Variants in MTHFD1 observed in about 807,000 individuals in gnomAD.
The protein encoded by MTHFD1 is methylenetetrahydrofolate dehydrogenase, cyclohydrolase and formyltetrahydrofolate synthetase 1.
MTHFD1 carries 44 observed loss-of-function variants against 110.3 expected under a neutral mutation model. The ratio of observed to expected loss-of-function variants is 0.40; its 90% CI spans 0.31 to 0.51. MTHFD1 has a LOEUF of 0.51. Ranked by LOEUF, MTHFD1 falls within the 20% of genes least tolerant of loss-of-function variation. MTHFD1 has a pLI of 0.60. For missense variants in MTHFD1, 909 were observed against 1,173.1 expected (o/e 0.77, Z 3.29); for synonymous variants, 402 against 428.8 (o/e 0.94, Z 0.77).
chr14:64,440,918 G>A (rs569001354), intron 18 of MTHFD1: 6 of 259,486 alleles, frequency 2.3e-5, no homozygotes, highest in African/African-American at 4.5e-5. Context: ...TTGGCCAGGC[G>A]TGGTGGCTCA....
At chr14:64,457,973 C>T (rs573577207) in intron 26 of MTHFD1, 3 of 582,746 alleles carry the variant, frequency 5.1e-6, no homozygotes, top group Non-Finnish European at 9.2e-6. Context: ...TCACTGTGGC[C>T]TCAACCTCCT....
intron 26 of MTHFD1, 170 bp downstream of exon 26, chr14:64,455,045 A>G (rs2078447049): frequency 1.4e-6 from 1 of 698,050 alleles, no homozygotes. Flanking sequence ...CAGGAGCTAT[A>G]TAGCTCTTGC....
chr14:64,440,282 C>T lies in MTHFD1; in HGVS notation c.1815+16C>T, dbSNP rs374308973. On this transcript the variant is annotated intron_variant, in intron 18 of 27. Transcript: ENST00000652337. Reference sequence around the variant, plus strand: ...CGAAGATCTGGTGGGTACCCAGACACGCCAGGCTTGGCGACATATCTGTGT... The same window carrying T: ...CGAAGATCTGGTGGGTACCCAGACATGCCAGGCTTGGCGACATATCTGTGT... 81 of 1,614,022 alleles carry T rather than the reference C, an allele frequency of 5.0e-5. No homozygotes were observed. Among genetic ancestry groups the T allele is most frequent in the Admixed American group, 1.0e-4 (6 of 59,996 alleles).
chr14:64,452,709 G>A (rs2078393620), intron 24 of MTHFD1, among the ~76,000 whole-genome samples: 1 of 152,138 alleles, frequency 6.6e-6, no homozygotes, highest in African/African-American at 2.4e-5. Flanking sequence ...AATTCCTGGT[G>A]CTTGCACTTA....
chr14:64,411,769 C>G (rs151142944), intron 3 of MTHFD1, among the ~76,000 whole-genome samples: 1 of 152,016 alleles, frequency 6.6e-6, no homozygotes, highest in African/African-American at 2.4e-5. Flanking sequence ...GGTGTGGTGG[C>G]GCATGCCTGT....
chr14:64,450,191 C>T (rs947645607), intron 24 of MTHFD1, among the ~76,000 whole-genome samples: 9 of 152,162 alleles, frequency 5.9e-5, no homozygotes, highest in Non-Finnish European at 8.8e-5. Context: ...ATCCTAACTT[C>T]GAAAAGGGTC....
At position 64,400,962 on chromosome 14, in the gene MTHFD1, T is replaced by C; in HGVS notation, c.126+85T>C. On this transcript the variant is annotated intron_variant, in intron 2 of 27. Coordinates refer to ENST00000652337, the MANE Select transcript of MTHFD1 (RefSeq NM_005956.4). ...AGACCTCTCCCTCTACTTTCCTCCT[T>C]TTTTTTTGGCTGTTGTGTAATCTCA... The C allele has an allele frequency of 4.0e-6, 4 of 1,005,258 alleles. No individual in the cohort carries two copies. The South Asian group carries it at 4.1e-5, about 10-fold the overall frequency. 62.3% of individuals were successfully genotyped at this position (1,005,258 alleles called of 1,614,324 possible).
intron 6 of MTHFD1, among the ~76,000 whole-genome samples, chr14:64,416,151 GGGA>G (rs2078024467): frequency 6.6e-6 from 1 of 152,070 alleles, no homozygotes. Context: ...AGGCAGAGGT[GGGA>G]GGATTGATTG....
intron 4 of MTHFD1, 109 bp downstream of exon 4, chr14:64,412,634 ATTTT>A (rs10678665): frequency 5.5e-4 from 264 of 479,728 alleles, no homozygotes; most frequent in East Asian, 7.0e-4. Flanking sequence ...ACCTCCAGGT[ATTTT>A]TTTTTTTTTT....
chr14:64,459,353 A>T (rs1408381451), intron 27 of MTHFD1, among the ~76,000 whole-genome samples: 1 of 152,170 alleles, frequency 6.6e-6, no homozygotes, highest in Non-Finnish European at 1.5e-5. Flanking sequence ...AGGTTGGGGG[A>T]GCACCTGAGA....
intron 4 of MTHFD1, among the ~76,000 whole-genome samples, chr14:64,413,592 T>A (rs1471939886): frequency 1.3e-5 from 2 of 152,212 alleles, no homozygotes; most frequent in Non-Finnish European, 2.9e-5. Context: ...ACTAGCCCCA[T>A]GAGGCTATTT....
At position 64,428,102 on chromosome 14, in the gene MTHFD1, GTTTTTTTTTTT is replaced by G. The variant is rs11289659; in HGVS notation, c.1264+644_1264+654del. On this transcript the variant is annotated intron_variant, in intron 12 of 27. Transcript: ENST00000652337. ...TATTGCTGCGGTACTAAGAACATGT[GTTTTTTTTTTT>G]TTTTTTTTTTTTTTGAGACAGGGTC... is the stretch of plus-strand genomic sequence containing the variant. Among the ~76,000 whole-genome samples, 187 of 74,710 alleles carry G rather than the reference GTTTTTTTTTTT, an allele frequency of 2.5e-3. 3 individuals are homozygous for G. The highest frequency in any genetic ancestry group is 4.2e-4 in the Non-Finnish European group (17 of 40,494). 49.0% of individuals were successfully genotyped at this position (74,710 alleles called of 152,430 possible).
chr14:64,394,665 G>T (rs1177831781), intron 1 of MTHFD1, among the ~76,000 whole-genome samples: 1 of 152,018 alleles, frequency 6.6e-6, no homozygotes, highest in Non-Finnish European at 1.5e-5. Context: ...GCCAGAGCCT[G>T]TCAGGAACTT....
intron 8 of MTHFD1, 50 bp from the exon 9 acceptor site, chr14:64,424,754 C>G: frequency 6.2e-7 from 1 of 1,607,850 alleles, no homozygotes; most frequent in Non-Finnish European, 8.5e-7. Flanking sequence ...AACTGATCAC[C>G]AGGACTGTGA....
intron 13 of MTHFD1, among the ~76,000 whole-genome samples, chr14:64,431,319 G>C (rs948970829): frequency 1.3e-5 from 2 of 151,960 alleles, no homozygotes; most frequent in Non-Finnish European, 2.9e-5. Flanking sequence ...GCCCGCCTCG[G>C]CCTCCCAAAG....
At position 64,418,384 on chromosome 14, in the gene MTHFD1, G is replaced by A. The variant is rs2078041810; in HGVS notation, c.615+360G>A. Among the ~76,000 whole-genome samples the A allele has an allele frequency of 3.3e-5, 5 of 150,134 alleles. No individual in the cohort carries two copies. In the South Asian group the frequency reaches 1.0e-3, roughly 31 times the overall value. On this transcript the variant is annotated intron_variant, in intron 7 of 27. Coordinates refer to ENST00000652337, the MANE Select transcript of MTHFD1 (RefSeq NM_005956.4). ...GAGGATTGCTTGAGCCCAGGAGGTC[G>A]AGGCTGCAGTAAGCTACGATCACAC...
intron 25 of MTHFD1, among the ~76,000 whole-genome samples, chr14:64,454,109 C>T (rs899001282): frequency 3.3e-5 from 5 of 152,060 alleles, no homozygotes; most frequent in African/African-American, 4.8e-5. Context: ...ATATTGAGAA[C>T]GTCTCCAGTT....
chr14:64,420,518 A>T (rs1347132314), intron 8 of MTHFD1, among the ~76,000 whole-genome samples: 2 of 152,142 alleles, frequency 1.3e-5, no homozygotes, highest in Non-Finnish European at 2.9e-5. Flanking sequence ...CCTCCCAAGC[A>T]TTCCCTATAT....
chr14:64,395,525 C>A (rs2077840895), intron 1 of MTHFD1, among the ~76,000 whole-genome samples: 2 of 152,152 alleles, frequency 1.3e-5, no homozygotes, highest in African/African-American at 4.8e-5. Context: ...TCTTTGAGAC[C>A]TTTTTCTGAA....
Sources: allele counts gnomAD v4.1 joint callset (sites outside exome capture counted in the v4.1 genomes callset), GRCh38; gene constraint gnomAD v4.1.1; transcripts MANE v1.5; gene names NCBI Gene and HGNC (gene_info 2026-07-23, HGNC 2026-07-21).